Variants in XRCC4 observed in about 807,000 individuals in gnomAD.
XRCC4 encodes DNA repair protein XRCC4.
XRCC4 carries 28 observed loss-of-function variants against 39.1 expected under a neutral mutation model. That is an observed-to-expected ratio of 0.72 (90% CI 0.53 to 0.98). The LOEUF is 0.98. Among genes scored for constraint, XRCC4 ranks in the 50% least tolerant of loss-of-function variants. The probability of loss-of-function intolerance (pLI) is 0.00; values close to 1 mark genes in which losing one functional copy is unlikely to be tolerated. For missense variants in XRCC4, 350 were observed against 376.4 expected (o/e 0.93, Z 0.58); for synonymous variants, 123 against 126.4 (o/e 0.97, Z 0.18).
chr5:83,092,252 A>AT (rs1745462984), intron 1 of XRCC4, among the ~76,000 whole-genome samples: 1 of 152,132 alleles, frequency 6.6e-6, no homozygotes, highest in African/African-American at 2.4e-5. Context: ...TATACTTTGG[A>AT]TATTAGCCCT....
At chr5:83,256,668 T>C (rs1018906860) in intron 6 of XRCC4, among the ~76,000 whole-genome samples, 1 of 152,040 alleles carries the variant, frequency 6.6e-6, no homozygotes, top group Non-Finnish European at 1.5e-5. Flanking sequence ...CTTTTTAATT[T>C]ACCCTTATCT....
intron 6 of XRCC4, 54 bp downstream of exon 6, chr5:83,204,975 A>G: frequency 8.2e-7 from 1 of 1,213,566 alleles, no homozygotes; most frequent in Non-Finnish European, 1.2e-6. Flanking sequence ...TGGGCTTCTT[A>G]TTCTAATGAC....
intron 1 of XRCC4, 101 bp downstream of exon 1, chr5:83,077,716 A>T (rs1744728792): frequency 1.6e-5 from 3 of 185,192 alleles, no homozygotes; most frequent in South Asian, 1.9e-4. Context: ...CCTGCTACTT[A>T]CCCCTAGAAC....
chr5:83,117,827 A>T (rs999179092), intron 3 of XRCC4, among the ~76,000 whole-genome samples: 1 of 151,978 alleles, frequency 6.6e-6, no homozygotes, highest in Admixed American at 6.6e-5. Context: ...GGTTTGCTGC[A>T]CTTATGAAGC....
chr5:83,325,470 C>A (rs1342591058), intron 7 of XRCC4, among the ~76,000 whole-genome samples: 1 of 152,018 alleles, frequency 6.6e-6, no homozygotes, highest in Non-Finnish European at 1.5e-5. Context: ...CCCCAACACC[C>A]CTCAACAGGC....
chr5:83,246,748 C>G (rs1277942229), intron 6 of XRCC4, among the ~76,000 whole-genome samples: 1 of 152,030 alleles, frequency 6.6e-6, no homozygotes. Context: ...AGTGGTAATA[C>G]TACAAAATTA....
At chr5:83,192,693 A>G (rs2112690343) in intron 3 of XRCC4, among the ~76,000 whole-genome samples, 1 of 152,336 alleles carries the variant, frequency 6.6e-6, no homozygotes, top group East Asian at 1.9e-4. Flanking sequence ...TTAGAAGATT[A>G]TAGATAGACT....
chr5:83,356,623 A>G (rs1757192856), downstream of XRCC4: 1 of 341,038 alleles, frequency 2.9e-6, no homozygotes, highest in Non-Finnish European at 5.8e-6. Context: ...GTGGTTTTTT[A>G]TATTTCTTAC....
chr5:83,127,516 C>A (rs1028914024), intron 3 of XRCC4, among the ~76,000 whole-genome samples: 3 of 152,052 alleles, frequency 2.0e-5, no homozygotes, highest in African/African-American at 7.2e-5. Flanking sequence ...GGGGCCTTCA[C>A]AGCTACGTGG....
intron 1 of XRCC4, among the ~76,000 whole-genome samples, chr5:83,099,513 A>G (rs1159316116): frequency 6.6e-6 from 1 of 152,188 alleles, no homozygotes; most frequent in Admixed American, 6.6e-5. Context: ...TGTGAATGGT[A>G]TTTGTTCAGA....
chr5:83,205,955 A>G (rs1356506985), intron 6 of XRCC4, among the ~76,000 whole-genome samples: 1 of 152,120 alleles, frequency 6.6e-6, no homozygotes, highest in African/African-American at 2.4e-5. Flanking sequence ...ACTAAGTACA[A>G]AGTTCCTGAC....
chr5:83,307,288 A>G (rs1188306564), intron 7 of XRCC4, among the ~76,000 whole-genome samples: 1 of 152,214 alleles, frequency 6.6e-6, no homozygotes, highest in African/African-American at 2.4e-5. Context: ...GGAGGGGCAG[A>G]GTCATAGAGA....
intron 7 of XRCC4, among the ~76,000 whole-genome samples, chr5:83,320,719 C>A (rs766933907): frequency 6.6e-6 from 1 of 151,596 alleles, no homozygotes; most frequent in Non-Finnish European, 1.5e-5. Flanking sequence ...AGACCCTGCA[C>A]CAGCAAAAAA....
chr5:83,293,106 C>T (rs374207749), intron 7 of XRCC4, among the ~76,000 whole-genome samples: 5 of 151,796 alleles, frequency 3.3e-5, no homozygotes, highest in African/African-American at 1.2e-4. Context: ...GCTGACTAAG[C>T]CTACCTTCCC....
At chr5:83,238,234 C>T (rs1052962989) in intron 6 of XRCC4, among the ~76,000 whole-genome samples, 1 of 152,166 alleles carries the variant, frequency 6.6e-6, no homozygotes, top group Non-Finnish European at 1.5e-5. Context: ...GTTTCGAAGT[C>T]CTCTGGTCTG....
chr5:83,288,381 A>C (rs199973222), intron 7 of XRCC4, among the ~76,000 whole-genome samples: 2 of 151,918 alleles, frequency 1.3e-5, no homozygotes, highest in Admixed American at 6.6e-5. Flanking sequence ...CTCCAACTCC[A>C]ATAATGCATT....
At chr5:83,371,686 C>T in the XRCC4 span, among the ~76,000 whole-genome samples, 1 of 151,998 alleles carries the variant, frequency 6.6e-6, no homozygotes. Context: ...TGTGTGTAGA[C>T]AGCAAATGTA....
At position 83,114,812 on chromosome 5, in the gene XRCC4, G is replaced by A. The variant is rs79327149; in HGVS notation, c.315+3609G>A. ...CTTTATAGCAGCACTCCAGTCTACC[G>A]GTACCAATTTACTGTATTAGTCTGT... is the stretch of plus-strand genomic sequence containing the variant. On this transcript the variant is annotated intron_variant, in intron 3 of 7. Transcript: ENST00000396027. Among the ~76,000 whole-genome samples, 163 of 152,184 alleles carry A rather than the reference G, an allele frequency of 1.1e-3. 1 individual carries two copies. The East Asian group carries it at 0.026, about 24-fold the overall frequency.
At chr5:83,357,551 A>G (rs1757203706), downstream of XRCC4, among the ~76,000 whole-genome samples, 3 of 152,228 alleles carry the variant, frequency 2.0e-5, no homozygotes, top group Admixed American at 2.0e-4. Context: ...CATGGCATTA[A>G]TGCCTAAATT....
Sources: gnomAD v4.1 joint callset for allele counts (sites outside exome capture counted in the v4.1 genomes callset) on GRCh38, gnomAD v4.1.1 for gene constraint, MANE v1.5 for transcripts, NCBI Gene and HGNC (gene_info 2026-07-23, HGNC 2026-07-21) for gene names.